DTD1: variants seen among roughly 807,000 people sequenced by gnomAD.
DTD1 encodes the protein D-tyrosyl-tRNA deacylase 1 homolog.
In DTD1, 13 loss-of-function variants were observed where a neutral mutation model predicts 25.6. The ratio of observed to expected loss-of-function variants is 0.51; its 90% CI spans 0.33 to 0.81. DTD1 has a LOEUF of 0.81. Ranked by LOEUF, DTD1 falls within the 30% of genes least tolerant of loss-of-function variation. The pLI is 0.02. For missense variants in DTD1, 193 were observed against 266.4 expected (o/e 0.72, Z 1.92); for synonymous variants, 110 against 103.6 (o/e 1.06, Z -0.37).
intron 4 of DTD1, among the ~76,000 whole-genome samples, chr20:18,648,734 G>A (rs1005731452): frequency 1.3e-5 from 2 of 151,928 alleles, no homozygotes; most frequent in Non-Finnish European, 2.9e-5. Flanking sequence ...ATATTGTGCA[G>A]TGCCAGTTTT....
At chr20:18,611,203 G>A (rs2060685458) in intron 3 of DTD1, 1 of 152,214 alleles carries the variant, frequency 6.6e-6, no homozygotes, top group Admixed American at 6.5e-5. Context: ...ATTTCCAAAT[G>A]TTTTGAACTT....
At chr20:18,752,228 G>A (rs2061323686) in intron 5 of DTD1, among the ~76,000 whole-genome samples, 1 of 151,984 alleles carries the variant, frequency 6.6e-6, no homozygotes, top group South Asian at 2.1e-4. Flanking sequence ...TATTAAGTTT[G>A]GAAAGCTCTT....
intron 2 of DTD1, among the ~76,000 whole-genome samples, chr20:18,595,247 T>G (rs1249693236): frequency 6.6e-6 from 1 of 152,132 alleles, no homozygotes; most frequent in Non-Finnish European, 1.5e-5. Context: ...TTTCTCTCAG[T>G]GTATTTGCTG....
intron 4 of DTD1, among the ~76,000 whole-genome samples, chr20:18,713,335 C>G (rs563922574): frequency 1.3e-5 from 2 of 152,336 alleles, no homozygotes; most frequent in South Asian, 4.1e-4. Context: ...CCTTTTTGCT[C>G]CTTCAGAAAT....
intron 4 of DTD1, among the ~76,000 whole-genome samples, chr20:18,643,798 G>A (rs1413626587): frequency 1.3e-5 from 2 of 152,094 alleles, no homozygotes; most frequent in Non-Finnish European, 2.9e-5. Flanking sequence ...TTATTTTGAA[G>A]CATGTCCCTT....
chr20:18,638,101 G>T (rs1264084366), intron 4 of DTD1, among the ~76,000 whole-genome samples: 1 of 152,108 alleles, frequency 6.6e-6, no homozygotes. Context: ...AAAAGCTCAT[G>T]CTCATTTGTT....
intron 4 of DTD1, among the ~76,000 whole-genome samples, chr20:18,723,649 A>G (rs2122495431): frequency 6.6e-6 from 1 of 152,350 alleles, no homozygotes; most frequent in South Asian, 2.1e-4. Context: ...GGTGCAGGGT[A>G]TAATAGTCTG....
intron 4 of DTD1, among the ~76,000 whole-genome samples, chr20:18,697,282 A>T (rs191421600): frequency 6.6e-6 from 1 of 152,140 alleles, no homozygotes; most frequent in African/African-American, 2.4e-5. Context: ...ATTGAATACA[A>T]TAAGAAAACC....
chr20:18,702,560 T>G (rs1298326882), intron 4 of DTD1, among the ~76,000 whole-genome samples: 1 of 152,078 alleles, frequency 6.6e-6, no homozygotes, highest in East Asian at 1.9e-4. Flanking sequence ...CAGATTTAAC[T>G]CCTCAGTAAT....
At chr20:18,739,264 T>C (rs1040446854) in intron 4 of DTD1, among the ~76,000 whole-genome samples, 1 of 152,242 alleles carries the variant, frequency 6.6e-6, no homozygotes, top group African/African-American at 2.4e-5. Flanking sequence ...ATTGTGCAAT[T>C]AGAGCTTGGG....
chr20:18,727,031 C>T (rs1171811311), intron 4 of DTD1, among the ~76,000 whole-genome samples: 1 of 152,208 alleles, frequency 6.6e-6, no homozygotes. Context: ...CTCTTGGGTG[C>T]TGGGACCCGT....
intron 4 of DTD1, among the ~76,000 whole-genome samples, chr20:18,711,634 G>GT (rs1162899848): frequency 6.6e-6 from 1 of 151,942 alleles, no homozygotes; most frequent in East Asian, 1.9e-4. Context: ...TCTGGTGTAG[G>GT]TTTTTTTCTC....
chr20:18,598,676 ATT>A (rs35467175), intron 3 of DTD1, among the ~76,000 whole-genome samples: 2 of 141,340 alleles, frequency 1.4e-5, no homozygotes, highest in Admixed American at 7.1e-5. Context: ...TTTTTTTTGT[ATT>A]TTTTTTTTTT....
At chr20:18,722,091 C>T (rs2061206042) in intron 4 of DTD1, among the ~76,000 whole-genome samples, 1 of 152,242 alleles carries the variant, frequency 6.6e-6, no homozygotes, top group Non-Finnish European at 1.5e-5. Flanking sequence ...GGCTGGACTC[C>T]TCAGGCCCAT....
intron 3 of DTD1, chr20:18,619,947 T>A (rs2122294917): frequency 6.6e-6 from 1 of 152,250 alleles, no homozygotes; most frequent in African/African-American, 2.4e-5. Context: ...TATGAACTTT[T>A]AAATTTTATT....
At chr20:18,662,129 G>T (rs2060913890) in intron 4 of DTD1, among the ~76,000 whole-genome samples, 1 of 152,310 alleles carries the variant, frequency 6.6e-6, no homozygotes, top group Non-Finnish European at 1.5e-5. Context: ...TCCAGCCTGG[G>T]TGACAGAGCG....
chr20:18,658,979 A>G (rs542343534), intron 4 of DTD1, among the ~76,000 whole-genome samples: 47 of 152,260 alleles, frequency 3.1e-4, no homozygotes, highest in Admixed American at 1.8e-3. Context: ...ACATTTGTGC[A>G]CTCTGTAGAA....
At chr20:18,653,209 C>T (rs1330548114) in intron 4 of DTD1, among the ~76,000 whole-genome samples, 2 of 152,156 alleles carry the variant, frequency 1.3e-5, no homozygotes, top group East Asian at 3.9e-4. Flanking sequence ...TGAGAAGAGC[C>T]TGGGCAACAT....
At chr20:18,588,217 G>GCCCCTCCGCGAGCCTGGT in intron 1 of DTD1, 102 bp downstream of exon 1, 1 of 1,089,104 alleles carries the variant, frequency 9.2e-7, no homozygotes, top group Non-Finnish European at 1.2e-6. Flanking sequence ...GGCCGCTGCG[G>GCCCCTCCGCGAGCCTGGT]CCCCTCCGCG....
Sources: gnomAD v4.1 joint callset for allele counts (sites outside exome capture counted in the v4.1 genomes callset) on GRCh38, gnomAD v4.1.1 for gene constraint, MANE v1.5 for transcripts, NCBI Gene and HGNC (gene_info 2026-07-23, HGNC 2026-07-21) for gene names.